The following ZNF148 variants were observed in gnomAD, a reference collection of about 807,000 sequenced individuals.
ZNF148 encodes Beta-Enolase Repressor Factor-1.
A neutral mutation model predicts 67.7 loss-of-function variants in ZNF148; 7 were observed. That is an observed-to-expected ratio of 0.10 (90% CI 0.06 to 0.19). ZNF148 has a LOEUF of 0.19. ZNF148 is among the 10% of genes least tolerant of loss of function. The pLI is 1.00. For synonymous variants in ZNF148, 333 were observed against 330.7 expected, an observed-to-expected ratio of 1.01 and a Z score of -0.08; for missense variants, 583 against 947.1, an observed-to-expected ratio of 0.62 and a Z score of 5.05.
At position 125,358,457 on chromosome 3, in the gene ZNF148, T is replaced by C. The variant is rs74532753; in HGVS notation, c.-234+16645A>G. The stretch of plus-strand genomic sequence containing the variant: ...ATAAATAACTTTCTCAAACACTGCG[T>C]TTTTCTTGTCTGTTCTCATTTCCTC... On this transcript the variant is annotated intron_variant, in intron 1 of 8. Transcript: ENST00000360647. Among the ~76,000 whole-genome samples, 3 of 152,298 alleles carry C rather than the reference T, an allele frequency of 2.0e-5. No homozygotes were observed. The East Asian group carries it at 5.8e-4, about 29-fold the overall frequency.
At chr3:125,252,860 A>G (rs1329688122) in intron 7 of ZNF148, among the ~76,000 whole-genome samples, 1 of 151,960 alleles carries the variant, frequency 6.6e-6, no homozygotes, top group Non-Finnish European at 1.5e-5. Context: ...TGAATGTAAT[A>G]TATGTAGGTC....
chr3:125,312,923 TAAG>T (rs1302188258), intron 4 of ZNF148, among the ~76,000 whole-genome samples: 1 of 152,184 alleles, frequency 6.6e-6, no homozygotes, highest in Non-Finnish European at 1.5e-5. Context: ...TAGAAAAATT[TAAG>T]AAGGCAAGAA....
chr3:125,265,770 T>G (rs1374262578), intron 7 of ZNF148, among the ~76,000 whole-genome samples: 1 of 152,222 alleles, frequency 6.6e-6, no homozygotes, highest in Non-Finnish European at 1.5e-5. Flanking sequence ...GTAAGTACAA[T>G]AGGCCCATAT....
intron 7 of ZNF148, among the ~76,000 whole-genome samples, chr3:125,240,052 T>C (rs757472533): frequency 6.6e-6 from 1 of 152,192 alleles, no homozygotes; most frequent in Non-Finnish European, 1.5e-5. Flanking sequence ...ACTAATGAAT[T>C]ATACATTTTA....
At chr3:125,294,313 G>A (rs543076712) in intron 4 of ZNF148, among the ~76,000 whole-genome samples, 1 of 152,150 alleles carries the variant, frequency 6.6e-6, no homozygotes, top group East Asian at 1.9e-4. Flanking sequence ...ACAGAAAAAG[G>A]GTATTTGGAG....
intron 4 of ZNF148, among the ~76,000 whole-genome samples, chr3:125,299,671 A>G (rs538297067): frequency 1.4e-4 from 21 of 152,286 alleles, no homozygotes; most frequent in African/African-American, 5.1e-4. Context: ...AAAACAATCT[A>G]CTGGAAGAGA....
intron 7 of ZNF148, among the ~76,000 whole-genome samples, chr3:125,255,566 A>G (rs910665055): frequency 2.0e-5 from 3 of 151,446 alleles, no homozygotes; most frequent in Non-Finnish European, 4.4e-5. Context: ...CTACATTTCC[A>G]TGTTTTCATA....
chr3:125,335,698 T>G (rs1941461380), intron 1 of ZNF148, among the ~76,000 whole-genome samples: 1 of 152,226 alleles, frequency 6.6e-6, no homozygotes, highest in Non-Finnish European at 1.5e-5. Flanking sequence ...ACTGCATGCA[T>G]GTTGCAACAG....
At chr3:125,288,021 G>A in intron 5 of ZNF148, 82 bp downstream of exon 5, 1 of 1,591,778 alleles carries the variant, frequency 6.3e-7, no homozygotes, top group Admixed American at 1.7e-5. Flanking sequence ...CTGCCTTAGG[G>A]TCCAGCCAGG....
Position 125,233,551 on chromosome 3 carries a change from A to T in ZNF148, c.1175T>A (p.Leu392His). The change falls in exon 9 of 9, where the codon CTC becomes CAC. Residue 392 changes from leucine (L) to histidine (H), a missense_variant. Around this residue, in one of 5 missense-constraint regions of ZNF148, gnomAD observed 172 missense variants for 307.7 expected, o/e 0.56. Coordinates refer to ENST00000360647, the MANE Select transcript of ZNF148 (RefSeq NM_021964.3). The surrounding 1 kb of genome is among the most constrained non-coding windows in gnomAD (Gnocchi z 5.1). ...SGEIHPPKLV[L>H]KKINSKRSLK... ...ACTTCTCTTACTATTAATTTTTTTGAGAACTAACTTAGGTGGGTGTATTTC... is the reference window on the plus strand; with the variant it reads ...ACTTCTCTTACTATTAATTTTTTTGTGAACTAACTTAGGTGGGTGTATTTC... The T allele has an allele frequency of 6.2e-7, 1 of 1,613,888 alleles. No homozygotes were observed. The highest frequency in any genetic ancestry group is 8.5e-7 in the Non-Finnish European group (1 of 1,179,934).
chr3:125,350,846 A>C (rs1390923229), intron 1 of ZNF148, among the ~76,000 whole-genome samples: 1 of 152,230 alleles, frequency 6.6e-6, no homozygotes, highest in African/African-American at 2.4e-5. Flanking sequence ...ACACAATGGA[A>C]CATTATTCAT....
intron 5 of ZNF148, among the ~76,000 whole-genome samples, chr3:125,279,763 C>T (rs1410148440): frequency 6.9e-6 from 1 of 145,660 alleles, no homozygotes; most frequent in South Asian, 2.2e-4. Context: ...AAAAAAAAGG[C>T]AAAGTTTAGA....
At chr3:125,284,708 T>C (rs1314103962) in intron 5 of ZNF148, among the ~76,000 whole-genome samples, 4 of 152,190 alleles carry the variant, frequency 2.6e-5, no homozygotes, top group African/African-American at 9.6e-5. Flanking sequence ...ATTTGATATT[T>C]AAAAGGTGTA....
intron 4 of ZNF148, among the ~76,000 whole-genome samples, chr3:125,298,487 G>A (rs1328189446): frequency 2.0e-5 from 3 of 151,662 alleles, no homozygotes; most frequent in Admixed American, 6.6e-5. Context: ...TTAAAATAGG[G>A]CAGTTTTACA....
chr3:125,371,541 C>A (rs1942884953), intron 1 of ZNF148, among the ~76,000 whole-genome samples: 1 of 151,268 alleles, frequency 6.6e-6, no homozygotes, highest in African/African-American at 2.4e-5. Context: ...CACCTGTAAT[C>A]TCAGCTACTC....
At chr3:125,250,473 G>A (rs546308545) in intron 7 of ZNF148, among the ~76,000 whole-genome samples, 1 of 152,270 alleles carries the variant, frequency 6.6e-6, no homozygotes, top group East Asian at 1.9e-4. Flanking sequence ...ATCCCTGAGT[G>A]TGGACCTCTG....
intron 1 of ZNF148, among the ~76,000 whole-genome samples, chr3:125,361,950 CTTTA>C (rs561391216): frequency 9.8e-4 from 149 of 152,272 alleles, no homozygotes; most frequent in African/African-American, 3.4e-3. Context: ...CTCCACTTGG[CTTTA>C]TTGTCTCCCT....
intron 7 of ZNF148, among the ~76,000 whole-genome samples, chr3:125,272,137 C>G (rs992718689): frequency 2.0e-5 from 3 of 152,186 alleles, no homozygotes. Flanking sequence ...CTCTTGAGAT[C>G]ACTTAAGTTC....
chr3:125,233,187 G>C lies in ZNF148; in HGVS notation c.1539C>G (p.Thr513=). 1.2e-6 allele frequency: 2 copies of C among 1,613,738 alleles called. No homozygotes were observed. Residue 513 remains threonine (T), a synonymous_variant, in exon 9 of 9, where the codon ACC becomes ACG. Coordinates refer to ENST00000360647, the MANE Select transcript of ZNF148 (RefSeq NM_021964.3). This position sits in a 1 kb window ranked among gnomAD's most constrained non-coding sequence, Gnocchi z 5.1. ...AAVASVIDES[T]TASILESQAL... Reference sequence around the variant, plus strand: ...CCTGTGACTCTAATATGGATGCCGTGGTACTTTCATCAATGACACTTGCCA... The same window carrying C: ...CCTGTGACTCTAATATGGATGCCGTCGTACTTTCATCAATGACACTTGCCA...
Sources: allele counts gnomAD v4.1 joint callset (sites outside exome capture counted in the v4.1 genomes callset), GRCh38; gene constraint gnomAD v4.1.1; regional missense constraint gnomAD v4.1.1; non-coding constraint Gnocchi (gnomAD v3.1); transcripts MANE v1.5; gene names NCBI Gene and HGNC (gene_info 2026-07-23, HGNC 2026-07-21).